CEP295: variants seen among roughly 807,000 people sequenced by gnomAD.
CEP295 encodes the protein centrosomal protein of 295 kDa.
CEP295 carries 190 observed loss-of-function variants against 291.6 expected under a neutral mutation model. That is an observed-to-expected ratio of 0.65 (90% CI 0.58 to 0.73). CEP295 has a LOEUF of 0.73. Among genes scored for constraint, CEP295 ranks in the 30% least tolerant of loss-of-function variants. CEP295 has a pLI of 0.00. For synonymous variants in CEP295, 993 were observed against 1,038.8 expected (o/e 0.96, Z 0.85); for missense variants, 2,863 against 2,949.4 (o/e 0.97, Z 0.68).
intron 5 of CEP295, among the ~76,000 whole-genome samples, chr11:93,673,996 A>C (rs1950569896): frequency 6.8e-6 from 1 of 147,860 alleles, no homozygotes; most frequent in Admixed American, 6.8e-5. Context: ...TCTGTCGCCC[A>C]GGTTGGAGTG....
Position 93,698,119 on chromosome 11 carries a change from T to A in CEP295, c.3207T>A (p.Asp1069Glu). 1 of 1,552,208 alleles carries A rather than the reference T, an allele frequency of 6.4e-7. No individual in the cohort carries two copies. The highest frequency in any genetic ancestry group is 8.7e-7 in the Non-Finnish European group (1 of 1,147,100). Reference protein sequence around the residue: ...LLQEQLTKQRDTLQARHEAQV... With the variant: ...LLQEQLTKQRETLQARHEAQV... Reference sequence around the variant, plus strand: ...AAGAACAGTTGACTAAACAGAGGGATACTCTTCAGGCTAGGCATGAAGCTC... The same window carrying A: ...AAGAACAGTTGACTAAACAGAGGGAAACTCTTCAGGCTAGGCATGAAGCTC... Residue 1069 changes from aspartate to glutamate, a missense_variant, in exon 15 of 30, where the codon GAT becomes GAA. Coordinates refer to ENST00000325212, the MANE Select transcript of CEP295 (RefSeq NM_033395.2).
At chr11:93,696,242 T>C (rs1418370470) in intron 13 of CEP295, 78 bp from the exon 14 acceptor site, 2 of 790,588 alleles carry the variant, frequency 2.5e-6, no homozygotes, top group Admixed American at 5.3e-5. Flanking sequence ...AAGTTTACAA[T>C]TATAGAACTG....
chr11:93,710,061 A>G (rs1952796996), intron 18 of CEP295, among the ~76,000 whole-genome samples: 1 of 152,144 alleles, frequency 6.6e-6, no homozygotes, highest in South Asian at 2.1e-4. Flanking sequence ...TTTTCCAGAT[A>G]TAAGCTCGTA....
chr11:93,700,057 T>G lies in CEP295; in HGVS notation c.5145T>G (p.Asp1715Glu), dbSNP rs1274410141. 1 of 1,551,838 alleles carries G rather than the reference T, an allele frequency of 6.4e-7. No individual in the cohort carries two copies. The highest frequency in any genetic ancestry group is 8.7e-7 in the Non-Finnish European group (1 of 1,147,022). The part of the protein sequence containing the change: ...QDNLGLQKQL[D>E]LQREVLHYSQ... ...ACTTGGGACTTCAGAAACAGTTGGA[T>G]CTACAAAGAGAAGTTCTGCATTATA... The change falls in exon 15 of 30, where the codon GAT becomes GAG. Residue 1715 changes from aspartate (D) to glutamate (E), a missense_variant. Asp to Glu is a conservative substitution (Grantham distance 45, BLOSUM62 2). Coordinates refer to ENST00000325212, the MANE Select transcript of CEP295 (RefSeq NM_033395.2).
At position 93,721,362 on chromosome 11, in the gene CEP295, G is replaced by C. The variant is rs1372522360; in HGVS notation, c.5800G>C (p.Val1934Leu). 1.3e-6 allele frequency: 2 copies of C among 1,566,114 alleles called. No individual in the cohort carries two copies. The highest frequency in any genetic ancestry group is 8.7e-7 in the Non-Finnish European group (1 of 1,153,270). ...VENHAVLSYA[V>L]EEEHAYLGPT... is the part of the protein sequence containing the mutation. The stretch of plus-strand genomic sequence containing the variant: ...AAATCATGCAGTGTTAAGTTATGCT[G>C]TGGAGGAAGAACATGCATATTTGGG... The change falls in exon 19 of 30, where the codon GTG becomes CTG. Residue 1934 changes from valine (V) to leucine (L), a missense_variant. By Grantham distance (32) the Val-to-Leu change is conservative (BLOSUM62 1). This residue lies in a region of CEP295 where 2,295 missense variants were observed against 2,335.7 expected (regional missense o/e 0.98). Transcript: ENST00000325212.
intron 7 of CEP295, among the ~76,000 whole-genome samples, chr11:93,681,341 A>G (rs1013268425): frequency 6.2e-5 from 9 of 146,060 alleles, no homozygotes; most frequent in African/African-American, 2.0e-4. Flanking sequence ...GATTCTAGCA[A>G]TTCTCCTGCC....
At chr11:93,704,385 G>A (rs1347304922) in intron 17 of CEP295, among the ~76,000 whole-genome samples, 1 of 152,112 alleles carries the variant, frequency 6.6e-6, no homozygotes, top group East Asian at 1.9e-4. Flanking sequence ...CAGCACTTTG[G>A]GAGGCTGAGA....
At chr11:93,674,255 G>A (rs1394030611) in intron 5 of CEP295, among the ~76,000 whole-genome samples, 3 of 152,242 alleles carry the variant, frequency 2.0e-5, no homozygotes, top group Admixed American at 6.5e-5. Flanking sequence ...GAGCCACCGC[G>A]CCCAGCCCCT....
intron 23 of CEP295, among the ~76,000 whole-genome samples, chr11:93,726,374 T>C (rs1227694441): frequency 6.6e-6 from 1 of 152,222 alleles, no homozygotes; most frequent in Non-Finnish European, 1.5e-5. Flanking sequence ...CCTCAGATGA[T>C]CCACTCGTCT....
intron 18 of CEP295, among the ~76,000 whole-genome samples, chr11:93,712,722 A>C (rs148783549): frequency 2.0e-5 from 3 of 152,032 alleles, no homozygotes; most frequent in Non-Finnish European, 4.4e-5. Flanking sequence ...CAGCCACACT[A>C]TGTCTTTTGC....
chr11:93,701,155 A>G lies in CEP295; in HGVS notation c.5274+969A>G, dbSNP rs533597665. 8.8e-4 allele frequency among the ~76,000 whole-genome samples: 134 copies of G among 152,288 alleles called. 1 individual carries two copies. Among genetic ancestry groups the G allele is most frequent in the African/African-American group, 3.1e-3 (128 of 41,568 alleles). On this transcript the variant is annotated intron_variant, in intron 15 of 29. Coordinates refer to ENST00000325212, the MANE Select transcript of CEP295 (RefSeq NM_033395.2). Reference sequence around the variant, plus strand: ...CGTGGCAGGTGGATCTCCTGAGCCCAGGAGTTCAAGATCAGCCTGGGCAAC... The same window carrying G: ...CGTGGCAGGTGGATCTCCTGAGCCCGGGAGTTCAAGATCAGCCTGGGCAAC...
chr11:93,695,581 T>C lies in CEP295; in HGVS notation c.1618T>C (p.Cys540Arg). The change falls in exon 13 of 30, where the codon TGC becomes CGC. Residue 540 changes from cysteine (C) to arginine (R), a missense_variant. Coordinates refer to ENST00000325212, the MANE Select transcript of CEP295 (RefSeq NM_033395.2). Reference sequence around the variant, plus strand: ...GCAGAAATTAAGATTAGAAACTGACTGCTTCAGGGCTCAGCTGGAAGAAGA... The same window carrying C: ...GCAGAAATTAAGATTAGAAACTGACCGCTTCAGGGCTCAGCTGGAAGAAGA... ...EQQKLRLETD[C>R]FRAQLEEEKR... The C allele has an allele frequency of 6.7e-7, 1 of 1,492,384 alleles. No individual in the cohort carries two copies. Among genetic ancestry groups the C allele is most frequent in the Non-Finnish European group, 8.9e-7 (1 of 1,129,264 alleles). The allele number at this position is 1,492,384 out of a possible 1,614,324, so 92.4% of individuals were successfully genotyped here.
At chr11:93,685,951 C>T (rs746218013) in intron 9 of CEP295, among the ~76,000 whole-genome samples, 1 of 152,000 alleles carries the variant, frequency 6.6e-6, no homozygotes, top group Non-Finnish European at 1.5e-5. Flanking sequence ...CCTTGTGACC[C>T]GCCCACCTCT....
At chr11:93,688,126 G>C (rs966173007) in intron 10 of CEP295, among the ~76,000 whole-genome samples, 2 of 152,068 alleles carry the variant, frequency 1.3e-5, no homozygotes, top group African/African-American at 2.4e-5. Flanking sequence ...TGTTCAGGCT[G>C]TTTTCTAATT....
At chr11:93,724,486 T>C in intron 22 of CEP295, 111 bp downstream of exon 22, 1 of 1,118,006 alleles carries the variant, frequency 8.9e-7, no homozygotes, top group Middle Eastern at 2.5e-4. Flanking sequence ...CACATGGAAG[T>C]CTGGGCACAG....
At position 93,684,033 on chromosome 11, in the gene CEP295, A is replaced by G. The variant is rs758697903; in HGVS notation, c.1019A>G (p.Asp340Gly). The part of the protein sequence containing the change: ...PLPTVTNQIQ[D>G]EELDLSMEQE... ...CCCACTGTGACTAATCAGATCCAAG[A>G]TGAAGAGCTGGACCTTTCAATGGAA... Residue 340 changes from aspartate (D) to glycine (G), a missense_variant, in exon 9 of 30, where the codon GAT (aspartate) becomes GGT (glycine). Coordinates refer to ENST00000325212, the MANE Select transcript of CEP295 (RefSeq NM_033395.2). The G allele has an allele frequency of 5.2e-6, 8 of 1,551,754 alleles. No homozygotes were observed. Among genetic ancestry groups the G allele is most frequent in the South Asian group, 2.4e-5 (2 of 84,068 alleles).
At chr11:93,726,097 A>C (rs4317945) in intron 23 of CEP295, among the ~76,000 whole-genome samples, 151,120 of 152,340 alleles carry the variant, frequency 0.99, 74,977 homozygotes, top group Middle Eastern at 1. Flanking sequence ...TTTAAGTATT[A>C]TTTTTTTGTT....
In CEP295 at chr11:93,699,022, A is replaced by G. The variant is rs1016556457; in HGVS notation, c.4110A>G (p.Gln1370=). 6.5e-7 allele frequency: 1 copy of G among 1,547,416 alleles called. No homozygotes were observed. Among genetic ancestry groups the G allele is most frequent in the Admixed American group, 2.0e-5 (1 of 51,006 alleles). ...GAGAAGCCATCATTCTAGCTAGACA[A>G]GAAGCTCGGGAAGAATTACTTTTAC... ...TQREAIILAR[Q]EAREELLLHQ... is the part of the protein sequence containing the mutation. Residue 1370 remains glutamine, a synonymous_variant, in exon 15 of 30, where the codon CAA becomes CAG. Transcript: ENST00000325212.
In CEP295 at chr11:93,715,404, G is replaced by C. The variant is rs1241205235; in HGVS notation, c.5750-5908G>C. On this transcript the variant is annotated intron_variant, in intron 18 of 29. Transcript: ENST00000325212. ...AGTGGGCTTCCTCCTCTCTGACCCA[G>C]GGTAGGTTCAGAGATGCCATCCAAG... Among the ~76,000 whole-genome samples the C allele has an allele frequency of 4.6e-5, 7 of 152,080 alleles. No individual in the cohort carries two copies. In the East Asian group the frequency reaches 1.4e-3, roughly 29 times the overall value.
Sources: allele counts gnomAD v4.1 joint callset (sites outside exome capture counted in the v4.1 genomes callset), GRCh38; gene constraint gnomAD v4.1.1; regional missense constraint gnomAD v4.1.1; transcripts MANE v1.5; gene names NCBI Gene and HGNC (gene_info 2026-07-23, HGNC 2026-07-21).